Variants in TGFB3 observed in about 807,000 individuals in gnomAD.
The protein encoded by TGFB3 is transforming growth factor beta-3 proprotein.
Under a neutral mutation model 40.1 loss-of-function variants are expected in TGFB3, and 5 were observed. The ratio of observed to expected loss-of-function variants is 0.12; its 90% CI spans 0.07 to 0.26. TGFB3 has a LOEUF of 0.26. TGFB3 is among the 10% of genes least tolerant of loss of function. TGFB3 has a pLI of 1.00. For synonymous variants in TGFB3, 184 were observed against 205.6 expected (o/e 0.89, Z 0.90); for missense variants, 373 against 530.1 (o/e 0.70, Z 2.91).
At chr14:75,977,650 C>G (rs951553057) in intron 1 of TGFB3, among the ~76,000 whole-genome samples, 2 of 147,520 alleles carry the variant, frequency 1.4e-5, no homozygotes, top group African/African-American at 5.0e-5. Context: ...GTATGAATCT[C>G]CCGGGCAAAA....
In TGFB3 at chr14:75,981,140, A is replaced by T; in HGVS notation, c.-247T>A. 1 of 541,524 alleles carries T rather than the reference A, an allele frequency of 1.8e-6. No individual in the cohort carries two copies. The allele number at this position is 541,524 out of a possible 1,614,324, so 33.5% of individuals were successfully genotyped here. A position where few individuals can be genotyped will look rare whatever the true frequency, so the allele number is the denominator to read the frequency against. ...CGCTGGGATTCTTGTCCATGTGTCT[A>T]AACAGGTTTTGCTGGGCTCTGACTC... On this transcript the variant is annotated 5_prime_UTR_variant, in exon 1 of 7. Coordinates refer to ENST00000238682, the MANE Select transcript of TGFB3 (RefSeq NM_003239.5). This position sits in a 1 kb window ranked among gnomAD's most constrained non-coding sequence, Gnocchi z 4.7.
rs2035112858 is a variant in TGFB3 at position 75,958,461 on chromosome 14, G to T, written c.*726C>A. 6.5e-6 allele frequency: 1 copy of T among 154,122 alleles called. No homozygotes were observed. The highest frequency in any genetic ancestry group is 2.4e-5 in the African/African-American group (1 of 41,556). The allele number at this position is 154,122 out of a possible 1,614,324, so 9.5% of individuals were successfully genotyped here. ...AAGGGGAAATATGATCGAGGGAGAG[G>T]TGAGAGGAGGGACCCAGAGGGCAGA... On this transcript the variant is annotated 3_prime_UTR_variant, in exon 7 of 7. Coordinates refer to ENST00000238682, the MANE Select transcript of TGFB3 (RefSeq NM_003239.5).
rs746094390 is a variant in TGFB3 at position 75,959,301 on chromosome 14, C to G, written c.1125G>C (p.Ser375=). 1 of 1,614,108 alleles carries G rather than the reference C, an allele frequency of 6.2e-7. No individual in the cohort carries two copies. Among genetic ancestry groups the G allele is most frequent in the South Asian group, 1.1e-5 (1 of 91,082 alleles). The change falls in exon 7 of 7, where the codon TCG becomes TCC. Residue 375 remains serine (S), a synonymous_variant. Coordinates refer to ENST00000238682, the MANE Select transcript of TGFB3 (RefSeq NM_003239.5). The part of the protein sequence containing the change: ...YNTLNPEASA[S]PCCVPQDLEP... ...CCAGGTCCTGGGGCACGCAGCAAGGCGAGGCAGATGCTTCAGGGTTCAGAG... is the reference window on the plus strand; with the variant it reads ...CCAGGTCCTGGGGCACGCAGCAAGGGGAGGCAGATGCTTCAGGGTTCAGAG...
In TGFB3 at chr14:75,971,600, G is replaced by C. The variant is rs768917005; in HGVS notation, c.471C>G (p.Pro157=). Reference sequence around the variant, plus strand: ...GCTCATTCCGCTTAGAGCTGGGGTTGGGCACCCGCAAGACCCGGAATTCTG... The same window carrying C: ...GCTCATTCCGCTTAGAGCTGGGGTTCGGCACCCGCAAGACCCGGAATTCTG... ...FRAEFRVLRV[P]NPSSKRNEQR... is the part of the protein sequence containing the mutation. The change falls in exon 2 of 7, where the codon CCC becomes CCG. Residue 157 remains proline, a synonymous_variant. Coordinates refer to ENST00000238682, the MANE Select transcript of TGFB3 (RefSeq NM_003239.5). This position sits in a 1 kb window ranked among gnomAD's most constrained non-coding sequence, Gnocchi z 4.5. 13 of 1,614,070 alleles carry C rather than the reference G, an allele frequency of 8.1e-6. No individual in the cohort carries two copies. Among genetic ancestry groups the C allele is most frequent in the Middle Eastern group, 1.6e-4 (1 of 6,082 alleles).
rs570017332 is a variant in TGFB3, at chr14:75,979,716, C to T, written c.352+826G>A. On this transcript the variant is annotated intron_variant, in intron 1 of 6. Transcript: ENST00000238682. The surrounding 1 kb of genome is among the most constrained non-coding windows in gnomAD (Gnocchi z 4.8). ...ACATATCCCCCCCCCCCACCATGCA[C>T]CCACTGCCACCCCTCCACCCGCTCT... Among the ~76,000 whole-genome samples the T allele has an allele frequency of 1.3e-5, 2 of 148,352 alleles. No homozygotes were observed. The highest frequency in any genetic ancestry group is 1.3e-4 in the Admixed American group (2 of 14,846).
chr14:75,963,276 C>A (rs1480613428), intron 5 of TGFB3, 40 bp downstream of exon 5: 5 of 1,613,104 alleles, frequency 3.1e-6, no homozygotes, highest in Non-Finnish European at 4.2e-6. Flanking sequence ...GGGCAGTAGG[C>A]AGGCAGTAGA....
rs1215036373 is a variant in TGFB3 at position 75,979,620 on chromosome 14, A to C, written c.352+922T>G. Among the ~76,000 whole-genome samples, 1 of 152,024 alleles carries C rather than the reference A, an allele frequency of 6.6e-6. No homozygotes were observed. Among genetic ancestry groups the C allele is most frequent in the African/African-American group, 2.4e-5 (1 of 41,370 alleles). ...GACTTCCACACGTGTACCAACACAC[A>C]CAGACATCTCGCCCAGAAGCCGCCC... On this transcript the variant is annotated intron_variant, in intron 1 of 6. Coordinates refer to ENST00000238682, the MANE Select transcript of TGFB3 (RefSeq NM_003239.5). The surrounding 1 kb of genome is among the most constrained non-coding windows in gnomAD (Gnocchi z 4.8).
In TGFB3 at chr14:75,981,081, C is replaced by G; in HGVS notation, c.-188G>C. ...GGACTTCCAGGAAGCGCTGGCAACC[C>G]TGAGGACGAAGAAGCGGACTGTGTG... On this transcript the variant is annotated 5_prime_UTR_variant, in exon 1 of 7. Coordinates refer to ENST00000238682, the MANE Select transcript of TGFB3 (RefSeq NM_003239.5). The surrounding 1 kb of genome is among the most constrained non-coding windows in gnomAD (Gnocchi z 4.7). 1 of 639,792 alleles carries G rather than the reference C, an allele frequency of 1.6e-6. No individual in the cohort carries two copies. The highest frequency in any genetic ancestry group is 1.8e-5 in the South Asian group (1 of 56,274). The allele number at this position is 639,792 out of a possible 1,614,324, so 39.6% of individuals were successfully genotyped here.
In TGFB3 at chr14:75,979,700, C is replaced by A. The variant is rs527892786; in HGVS notation, c.352+842G>T. Among the ~76,000 whole-genome samples the A allele has an allele frequency of 8.0e-5, 12 of 150,170 alleles. No homozygotes were observed. Among genetic ancestry groups the A allele is most frequent in the Non-Finnish European group, 1.5e-4 (10 of 67,120 alleles). ...GACGGCAGGCTCCCAGACATATCCC[C>A]CCCCCCCACCATGCACCCACTGCCA... On this transcript the variant is annotated intron_variant, in intron 1 of 6. Transcript: ENST00000238682. This position sits in a 1 kb window ranked among gnomAD's most constrained non-coding sequence, Gnocchi z 4.8.
intron 3 of TGFB3, among the ~76,000 whole-genome samples, chr14:75,967,957 C>T (rs1299558411): frequency 6.6e-6 from 1 of 152,112 alleles, no homozygotes; most frequent in Non-Finnish European, 1.5e-5. Context: ...TCCCAGTGTC[C>T]CACCTTTCCT....
chr14:75,971,354 G>A lies in TGFB3; in HGVS notation c.517-99C>T, dbSNP rs2035289514. 1 of 1,582,322 alleles carries A rather than the reference G, an allele frequency of 6.3e-7. No homozygotes were observed. The highest frequency in any genetic ancestry group is 8.6e-7 in the Non-Finnish European group (1 of 1,157,662). ...CAGGTGAGGGAGCGATAGGAAACCAGTGGTTCCTGAATGCCATGGCCCTCG... is the reference window on the plus strand; with the variant it reads ...CAGGTGAGGGAGCGATAGGAAACCAATGGTTCCTGAATGCCATGGCCCTCG... On this transcript the variant is annotated intron_variant, in intron 2 of 6. Coordinates refer to ENST00000238682, the MANE Select transcript of TGFB3 (RefSeq NM_003239.5). This position sits in a 1 kb window ranked among gnomAD's most constrained non-coding sequence, Gnocchi z 4.5.
At chr14:75,974,779 A>AAAAAAAG (rs571276425) in intron 1 of TGFB3, among the ~76,000 whole-genome samples, 2 of 148,334 alleles carry the variant, frequency 1.3e-5, no homozygotes, top group African/African-American at 4.9e-5. Flanking sequence ...AAAAAAAAAA[A>AAAAAAAG]AAGAAGAAGA....
Position 75,963,338 on chromosome 14 carries a change from A to G in TGFB3, c.904T>C (p.Leu302=). 6.2e-7 allele frequency: 1 copy of G among 1,614,112 alleles called. No individual in the cohort carries two copies. Among genetic ancestry groups the G allele is most frequent in the Non-Finnish European group, 8.5e-7 (1 of 1,179,988 alleles). The change falls in exon 5 of 7, where the codon TTG becomes CTG. Residue 302 remains leucine (L), a synonymous_variant. Transcript: ENST00000238682. The stretch of plus-strand genomic sequence containing the variant: ...CACCGGAAGCAGTAATTGGTGTCCA[A>G]AGCCCGCTTCTTCCTCTGACCCCCC... ...GQGGQRKKRA[L]DTNYCFRNLE...
chr14:75,968,217 C>T (rs1334173485), intron 3 of TGFB3, among the ~76,000 whole-genome samples: 2 of 152,220 alleles, frequency 1.3e-5, no homozygotes, highest in African/African-American at 4.8e-5. Flanking sequence ...CAATCTACAC[C>T]GCCAACTGCT....
rs1295431133 is a variant in TGFB3, at chr14:75,981,282, T to C, written c.-389A>G. On this transcript the variant is annotated 5_prime_UTR_variant, in exon 1 of 7. Transcript: ENST00000238682. The surrounding 1 kb of genome is among the most constrained non-coding windows in gnomAD (Gnocchi z 4.7). ...AAATAAATAGAGTGGATATCTGATATTGCCAAACGCCGCTTGGCGATGGGG... is the reference window on the plus strand; with the variant it reads ...AAATAAATAGAGTGGATATCTGATACTGCCAAACGCCGCTTGGCGATGGGG... The C allele has an allele frequency of 1.4e-5, 4 of 278,168 alleles. No individual in the cohort carries two copies. Among genetic ancestry groups the C allele is most frequent in the East Asian group, 8.5e-5 (1 of 11,796 alleles). The allele number at this position is 278,168 out of a possible 1,614,324, so 17.2% of individuals were successfully genotyped here. A position where few individuals can be genotyped will look rare whatever the true frequency, so the allele number is the denominator to read the frequency against.
chr14:75,969,076 A>C (rs2035255888), intron 3 of TGFB3, among the ~76,000 whole-genome samples: 1 of 152,220 alleles, frequency 6.6e-6, no homozygotes, highest in African/African-American at 2.4e-5. Context: ...AACAGCAAGA[A>C]GTCCAGGTTT....
In TGFB3 at chr14:75,958,269, AGC is replaced by A. The variant is rs1312884209; in HGVS notation, c.*916_*917del. On this transcript the variant is annotated 3_prime_UTR_variant, in exon 7 of 7. Coordinates refer to ENST00000238682, the MANE Select transcript of TGFB3 (RefSeq NM_003239.5). ...CCAAGTCACTGTGTGGCACATGTGC[AGC>A]TTCCCCGAATGCCTCACATGTTGTA... The A allele has an allele frequency of 6.5e-6, 1 of 152,680 alleles. No homozygotes were observed. Among genetic ancestry groups the A allele is most frequent in the Non-Finnish European group, 1.5e-5 (1 of 68,066 alleles). 9.5% of individuals were successfully genotyped at this position (152,680 alleles called of 1,614,324 possible). A position where few individuals can be genotyped will look rare whatever the true frequency, so the allele number is the denominator to read the frequency against.
chr14:75,970,316 T>C (rs1321956796), intron 3 of TGFB3, among the ~76,000 whole-genome samples: 1 of 152,102 alleles, frequency 6.6e-6, no homozygotes, highest in Admixed American at 6.5e-5. Context: ...CCAGCACTTT[T>C]GGAAGCCAAA....
chr14:75,978,877 A>G lies in TGFB3; in HGVS notation c.352+1665T>C, dbSNP rs1442990852. On this transcript the variant is annotated intron_variant, in intron 1 of 6. Coordinates refer to ENST00000238682, the MANE Select transcript of TGFB3 (RefSeq NM_003239.5). This position sits in a 1 kb window ranked among gnomAD's most constrained non-coding sequence, Gnocchi z 5.0. The stretch of plus-strand genomic sequence containing the variant: ...TGGACTCCTCCTGCTGACCCAGACC[A>G]TGAAGGTCTGAGTCCTGCCCTCTTG... 5.3e-5 allele frequency among the ~76,000 whole-genome samples: 8 copies of G among 152,208 alleles called. No homozygotes were observed. Among genetic ancestry groups the G allele is most frequent in the Admixed American group, 5.2e-4 (8 of 15,304 alleles).
Sources: allele counts gnomAD v4.1 joint callset (sites outside exome capture counted in the v4.1 genomes callset), GRCh38; gene constraint gnomAD v4.1.1; non-coding constraint Gnocchi (gnomAD v3.1); transcripts MANE v1.5; gene names NCBI Gene and HGNC (gene_info 2026-07-23, HGNC 2026-07-21).